The following CPNE8 variants were observed in gnomAD, a reference collection of about 807,000 sequenced individuals.
CPNE8 encodes the protein copine 8, also known as copine-8.
In CPNE8, 45 loss-of-function variants were observed where a neutral mutation model predicts 81.5. The ratio of observed to expected loss-of-function variants is 0.55; its 90% CI spans 0.44 to 0.71. The LOEUF is 0.71. CPNE8 is among the 30% of genes least tolerant of loss of function. CPNE8 has a pLI of 0.00. For missense variants in CPNE8, 594 were observed against 672.1 expected (o/e 0.88, Z 1.28); for synonymous variants, 252 against 226.3 (o/e 1.11, Z -1.02).
intron 11 of CPNE8, among the ~76,000 whole-genome samples, chr12:38,729,142 A>G (rs1317332253): frequency 6.6e-6 from 1 of 152,112 alleles, no homozygotes; most frequent in Admixed American, 6.6e-5. Flanking sequence ...ATGCCTAAGT[A>G]CAAGGAGAAC....
chr12:38,857,242 C>T (rs1049691169), intron 3 of CPNE8, among the ~76,000 whole-genome samples: 1 of 152,092 alleles, frequency 6.6e-6, no homozygotes, highest in East Asian at 1.9e-4. Context: ...ACAAGAGACA[C>T]ACCTAATTAA....
At chr12:38,746,950 G>T (rs1261819671) in intron 10 of CPNE8, among the ~76,000 whole-genome samples, 2 of 152,140 alleles carry the variant, frequency 1.3e-5, no homozygotes, top group African/African-American at 4.8e-5. Context: ...CTAAGACGTG[G>T]TTTTTATGAA....
intron 6 of CPNE8, among the ~76,000 whole-genome samples, chr12:38,794,034 C>T (rs914979461): frequency 6.6e-6 from 1 of 152,058 alleles, no homozygotes; most frequent in Admixed American, 6.5e-5. Context: ...GTTTTGGATG[C>T]TTATCTTACA....
chr12:38,793,468 A>C (rs758792518), intron 6 of CPNE8, among the ~76,000 whole-genome samples: 34 of 151,950 alleles, frequency 2.2e-4, no homozygotes, highest in South Asian at 4.1e-4. Flanking sequence ...AATTTCATTT[A>C]CAATAGCATT....
chr12:38,812,775 A>G (rs977280830), intron 6 of CPNE8, among the ~76,000 whole-genome samples: 7 of 152,228 alleles, frequency 4.6e-5, no homozygotes, highest in African/African-American at 1.7e-4. Flanking sequence ...CTCTTCTGCC[A>G]TGTGAGGACA....
intron 18 of CPNE8, among the ~76,000 whole-genome samples, chr12:38,672,754 T>C (rs555894416): frequency 6.6e-6 from 1 of 152,310 alleles, no homozygotes; most frequent in South Asian, 2.1e-4. Context: ...ACTGGGGAAA[T>C]TTATGTAGAT....
At chr12:38,830,753 C>A (rs1337198589) in intron 5 of CPNE8, among the ~76,000 whole-genome samples, 1 of 152,138 alleles carries the variant, frequency 6.6e-6, no homozygotes, top group Non-Finnish European at 1.5e-5. Flanking sequence ...AAGAAAAAAG[C>A]CAACCTATGG....
At chr12:38,727,381 A>T (rs906934776) in intron 11 of CPNE8, among the ~76,000 whole-genome samples, 1 of 152,214 alleles carries the variant, frequency 6.6e-6, no homozygotes, top group Non-Finnish European at 1.5e-5. Context: ...CAGGTAATGA[A>T]TATGGTAATT....
chr12:38,685,734 T>C (rs1939518706), intron 15 of CPNE8, 117 bp from the exon 16 acceptor site: 10 of 1,016,700 alleles, frequency 9.8e-6, no homozygotes, highest in South Asian at 1.8e-5. Context: ...TTTGAGGAAC[T>C]CTTATTCATA....
intron 5 of CPNE8, among the ~76,000 whole-genome samples, chr12:38,831,296 C>G (rs1943281606): frequency 6.6e-6 from 1 of 152,144 alleles, no homozygotes; most frequent in Non-Finnish European, 1.5e-5. Context: ...TTAGGGTCAT[C>G]AGAAGCAACC....
intron 6 of CPNE8, among the ~76,000 whole-genome samples, chr12:38,816,290 A>G (rs894192448): frequency 6.6e-6 from 1 of 152,172 alleles, no homozygotes; most frequent in Non-Finnish European, 1.5e-5. Context: ...CATTTATTGA[A>G]CTCTTACTAT....
intron 10 of CPNE8, among the ~76,000 whole-genome samples, chr12:38,742,470 A>T (rs940451306): frequency 6.7e-6 from 1 of 149,758 alleles, no homozygotes; most frequent in Non-Finnish European, 1.5e-5. Context: ...ACAGGTTGGA[A>T]CTGAACAATG....
chr12:38,681,230 TAAG>T (rs1471050019), intron 16 of CPNE8, among the ~76,000 whole-genome samples: 1 of 151,994 alleles, frequency 6.6e-6, no homozygotes, highest in Admixed American at 6.6e-5. Context: ...TTTTAAATGA[TAAG>T]AACAGGAATG....
chr12:38,694,137 T>G (rs111414074), intron 14 of CPNE8, among the ~76,000 whole-genome samples: 41 of 152,264 alleles, frequency 2.7e-4, no homozygotes, highest in African/African-American at 9.9e-4. Flanking sequence ...AAAAGTACTT[T>G]TGTTAATCTT....
At chr12:38,906,239 A>T, upstream of CPNE8, 1 of 985,342 alleles carries the variant, frequency 1.0e-6, no homozygotes, top group Non-Finnish European at 1.2e-6. Flanking sequence ...ACTGTCGGCC[A>T]CTTGAGAGTT....
At chr12:38,770,426 C>A (rs138732443) in intron 7 of CPNE8, among the ~76,000 whole-genome samples, 7 of 152,148 alleles carry the variant, frequency 4.6e-5, no homozygotes, top group Admixed American at 1.3e-4. Flanking sequence ...TATTTCTCAC[C>A]CAGACATGTT....
intron 13 of CPNE8, among the ~76,000 whole-genome samples, chr12:38,723,043 A>G (rs1179848943): frequency 6.6e-6 from 1 of 152,204 alleles, no homozygotes; most frequent in Non-Finnish European, 1.5e-5. Flanking sequence ...CTCCCCAGAC[A>G]TGAGGAACTG....
chr12:38,801,063 A>G (rs1159704963), intron 6 of CPNE8, among the ~76,000 whole-genome samples: 15 of 146,320 alleles, frequency 1.0e-4, no homozygotes, highest in Non-Finnish European at 2.0e-4. Context: ...GGAGAATGGA[A>G]CCAAGTTGGA....
intron 1 of CPNE8, among the ~76,000 whole-genome samples, chr12:38,901,768 C>T (rs745646402): frequency 9.7e-4 from 147 of 152,148 alleles, no homozygotes; most frequent in Non-Finnish European, 1.5e-3. Context: ...CCAAACCATG[C>T]CTATCCAGCT....
Sources: allele counts gnomAD v4.1 joint callset (sites outside exome capture counted in the v4.1 genomes callset), GRCh38; gene constraint gnomAD v4.1.1; transcripts MANE v1.5; gene names NCBI Gene and HGNC (gene_info 2026-07-23, HGNC 2026-07-21).